NDUFA5: variants seen among roughly 807,000 people sequenced by gnomAD.
The protein encoded by NDUFA5 is NADH dehydrogenase [ubiquinone] 1 alpha subcomplex subunit 5.
Under a neutral mutation model 19.8 loss-of-function variants are expected in NDUFA5, and 11 were observed. The ratio of observed to expected loss-of-function variants is 0.56; its 90% CI spans 0.35 to 0.92. The LOEUF (loss-of-function observed/expected upper bound fraction) is 0.92, where lower values mean the gene tolerates loss of function less well. NDUFA5 is among the 40% of genes least tolerant of loss of function. NDUFA5 has a pLI of 0.01. For missense variants in NDUFA5, 109 were observed against 134.2 expected (o/e 0.81, Z 0.93); for synonymous variants, 47 against 46.8 (o/e 1.00, Z -0.01).
the NDUFA5 span, among the ~76,000 whole-genome samples, chr7:123,589,497 T>C: frequency 6.6e-6 from 1 of 151,810 alleles, no homozygotes; most frequent in Non-Finnish European, 1.5e-5. Context: ...CAGCCCCTGG[T>C]GTGTGATGTT....
the NDUFA5 span, among the ~76,000 whole-genome samples, chr7:123,599,883 A>G: frequency 6.6e-6 from 1 of 152,172 alleles, no homozygotes; most frequent in Non-Finnish European, 1.5e-5. Flanking sequence ...CCTGAAACTC[A>G]TTCTCACCAG....
chr7:123,546,723 G>C, intron 3 of NDUFA5: 1 of 1,283,056 alleles, frequency 7.8e-7, no homozygotes, highest in Non-Finnish European at 1.0e-6. Flanking sequence ...ATGGCCCAGG[G>C]TATCTGCATC....
At position 123,540,896 on chromosome 7, in the gene NDUFA5, A is replaced by ACACG. The variant is rs1449652364; in HGVS notation, c.*1222_*1223insCGTG. On this transcript the variant is annotated 3_prime_UTR_variant, in exon 5 of 5. Transcript: ENST00000355749. ...CAAATGTGCGCATGCGCGTGCACAC[A>ACACG]CACACACACACACACACACACACAC... The ACACG allele has an allele frequency of 3.0e-4, 25 of 83,042 alleles. No homozygotes were observed. The highest frequency in any genetic ancestry group is 8.3e-4 in the African/African-American group (22 of 26,518). The allele number at this position is 83,042 out of a possible 1,614,324, so 5.1% of individuals were successfully genotyped here. A position where few individuals can be genotyped will look rare whatever the true frequency, so the allele number is the denominator to read the frequency against.
At chr7:123,552,480 C>T (rs1160876410) in intron 2 of NDUFA5, among the ~76,000 whole-genome samples, 1 of 151,774 alleles carries the variant, frequency 6.6e-6, no homozygotes, top group Non-Finnish European at 1.5e-5. Flanking sequence ...ACACTGGGGC[C>T]TGTCAGTGGG....
chr7:123,563,092 C>T, the NDUFA5 span, among the ~76,000 whole-genome samples: 25 of 152,096 alleles, frequency 1.6e-4, no homozygotes, highest in Non-Finnish European at 2.4e-4. Context: ...TGAGCCACCG[C>T]GCCTGGCCTG....
the NDUFA5 span, among the ~76,000 whole-genome samples, chr7:123,592,565 GT>G: frequency 9.9e-5 from 15 of 152,180 alleles, no homozygotes; most frequent in African/African-American, 3.6e-4. Context: ...TCAGGAGCAG[GT>G]TGTTCAGTTT....
chr7:123,594,758 G>A, the NDUFA5 span, among the ~76,000 whole-genome samples: 3 of 152,192 alleles, frequency 2.0e-5, no homozygotes, highest in African/African-American at 7.2e-5. Flanking sequence ...CACTTAAGGA[G>A]GCAGTCTGTC....
At chr7:123,578,379 C>T in the NDUFA5 span, among the ~76,000 whole-genome samples, 2 of 151,814 alleles carry the variant, frequency 1.3e-5, no homozygotes, top group Admixed American at 1.3e-4. Flanking sequence ...AGTAATTTGC[C>T]TTGGCCTAAA....
At chr7:123,579,488 TATAA>T in the NDUFA5 span, among the ~76,000 whole-genome samples, 1 of 152,132 alleles carries the variant, frequency 6.6e-6, no homozygotes, top group Non-Finnish European at 1.5e-5. Context: ...GTAAACTCTC[TATAA>T]ATAGTCTCAA....
chr7:123,558,475 G>A (rs1263860957), upstream of NDUFA5, among the ~76,000 whole-genome samples: 1 of 152,176 alleles, frequency 6.6e-6, no homozygotes, highest in Non-Finnish European at 1.5e-5. Flanking sequence ...TCACATCCTG[G>A]AATTCAAAGA....
At chr7:123,550,684 T>TG (rs200059604) in intron 2 of NDUFA5, 98 bp from the exon 3 acceptor site, 1,279 of 688,326 alleles carry the variant, frequency 1.9e-3, no homozygotes, top group Non-Finnish European at 2.4e-3. Context: ...AACTCACATC[T>TG]GTTTTTTTTT....
At chr7:123,595,831 G>A in the NDUFA5 span, among the ~76,000 whole-genome samples, 1 of 152,148 alleles carries the variant, frequency 6.6e-6, no homozygotes, top group South Asian at 2.1e-4. Context: ...CACTGTGGGT[G>A]AATGGGCCAT....
Position 123,556,868 on chromosome 7 carries a change from T to C in NDUFA5, c.66+536A>G, listed in dbSNP as rs377035427. 1.9e-5 allele frequency: 10 copies of C among 513,092 alleles called. 1 individual carries two copies. Among genetic ancestry groups the C allele is most frequent in the South Asian group, 4.3e-5 (3 of 70,148 alleles). The allele number at this position is 513,092 out of a possible 1,614,324, so 31.8% of individuals were successfully genotyped here. A position where few individuals can be genotyped will look rare whatever the true frequency, so the allele number is the denominator to read the frequency against. The stretch of plus-strand genomic sequence containing the variant: ...CATTCAAGGGTGAATAAGAAAGAAA[T>C]TGGAGAAAATAGAGATAACTCTTTT... On this transcript the variant is annotated intron_variant, in intron 2 of 4. Transcript: ENST00000355749.
In NDUFA5 at chr7:123,542,198, G is replaced by T; in HGVS notation, c.272C>A (p.Ala91Glu). ...TAGTTTCCATTCCCTCATTTTTCTTGCCAGATTTAGTTCATGTTCAGCCTG... is the reference window on the plus strand; with the variant it reads ...TAGTTTCCATTCCCTCATTTTTCTTTCCAGATTTAGTTCATGTTCAGCCTG... ...ILQAEHELNL[A>E]RKMREWKLWE... The change falls in exon 5 of 5, where the codon GCA (alanine) becomes GAA (glutamate). Residue 91 changes from alanine to glutamate, a missense_variant. Coordinates refer to ENST00000355749, the MANE Select transcript of NDUFA5 (RefSeq NM_005000.5). 6.8e-6 allele frequency: 11 copies of T among 1,610,702 alleles called. No individual in the cohort carries two copies. Among genetic ancestry groups the T allele is most frequent in the Non-Finnish European group, 9.3e-6 (11 of 1,178,388 alleles).
At chr7:123,542,837 C>T (rs1797989084) in intron 4 of NDUFA5, among the ~76,000 whole-genome samples, 1 of 152,094 alleles carries the variant, frequency 6.6e-6, no homozygotes, top group African/African-American at 2.4e-5. Flanking sequence ...AATTATGTTT[C>T]ATTTAATTTT....
intron 4 of NDUFA5, among the ~76,000 whole-genome samples, chr7:123,542,956 T>C (rs750476734): frequency 6.6e-6 from 1 of 152,214 alleles, no homozygotes; most frequent in East Asian, 1.9e-4. Flanking sequence ...ACTTATAAGA[T>C]GAATACTATT....
the NDUFA5 span, among the ~76,000 whole-genome samples, chr7:123,590,768 T>A: frequency 6.6e-6 from 1 of 152,140 alleles, no homozygotes; most frequent in African/African-American, 2.4e-5. Context: ...CTTAGGATTG[T>A]CTTGGCTATG....
the NDUFA5 span, among the ~76,000 whole-genome samples, chr7:123,568,398 T>A: frequency 1.3e-5 from 2 of 151,632 alleles, no homozygotes; most frequent in East Asian, 3.9e-4. Flanking sequence ...CGCATGCTTG[T>A]AATCCCACCT....
chr7:123,560,359 A>G (rs1172804426), upstream of NDUFA5, among the ~76,000 whole-genome samples: 2 of 152,246 alleles, frequency 1.3e-5, no homozygotes, highest in African/African-American at 2.4e-5. Context: ...AAAATGAATA[A>G]AAGTCATCCA....
Sources: gnomAD v4.1 joint callset for allele counts (sites outside exome capture counted in the v4.1 genomes callset) on GRCh38, gnomAD v4.1.1 for gene constraint, MANE v1.5 for transcripts, NCBI Gene and HGNC (gene_info 2026-07-23, HGNC 2026-07-21) for gene names.